The following ZNF609 variants were observed in gnomAD, a reference collection of about 807,000 sequenced individuals.
ZNF609 encodes zinc finger protein 609.
Under a neutral mutation model 109.5 loss-of-function variants are expected in ZNF609, and 11 were observed. The ratio of observed to expected loss-of-function variants is 0.10; its 90% confidence interval spans 0.06 to 0.17. The LOEUF is 0.17. Among genes scored for constraint, ZNF609 ranks in the 10% least tolerant of loss-of-function variants. The pLI is 1.00. For synonymous variants in ZNF609, 646 were observed against 662.0 expected (o/e 0.98, Z 0.37); for missense variants, 1,559 against 1,772.4 (o/e 0.88, Z 2.16).
chr15:64,675,206 A>C lies in ZNF609; in HGVS notation c.2352A>C (p.Arg784=), dbSNP rs749338837. 2 of 1,613,954 alleles carry C rather than the reference A, an allele frequency of 1.2e-6. No individual in the cohort carries two copies. The highest frequency in any genetic ancestry group is 2.7e-5 in the African/African-American group (2 of 74,938). ...LNGSSDPHQS[R]LASIKAEADK... Reference sequence around the variant, plus strand: ...GCTCATCAGACCCCCACCAAAGCCGACTGGCTAGCATCAAGGCTGAAGCCG... The same window carrying C: ...GCTCATCAGACCCCCACCAAAGCCGCCTGGCTAGCATCAAGGCTGAAGCCG... The change falls in exon 5 of 10, where the codon CGA becomes CGC. Residue 784 remains arginine (R), a synonymous_variant. Transcript: ENST00000326648.
chr15:64,539,648 C>T lies in ZNF609; in HGVS notation c.747+39482C>T, dbSNP rs578130932. On this transcript the variant is annotated intron_variant, in intron 2 of 9. Transcript: ENST00000326648. ...CCTTCGGAGTAGCTGGGATTACAGG[C>T]GCCTGCCACCATTCCCGGCTAATTT... Among the ~76,000 whole-genome samples, 518 of 152,266 alleles carry T rather than the reference C, an allele frequency of 3.4e-3. 4 individuals are homozygous for T. Among genetic ancestry groups the T allele is most frequent in the African/African-American group, 0.011 (472 of 41,548 alleles).
chr15:64,548,869 T>C (rs1347723897), intron 2 of ZNF609, among the ~76,000 whole-genome samples: 1 of 152,164 alleles, frequency 6.6e-6, no homozygotes, highest in Non-Finnish European at 1.5e-5. Context: ...TGAGATGAAA[T>C]ATTCAAAATT....
intron 1 of ZNF609, among the ~76,000 whole-genome samples, chr15:64,472,388 A>G (rs539965299): frequency 2.8e-4 from 43 of 152,280 alleles, no homozygotes; most frequent in Non-Finnish European, 5.1e-4. Context: ...GCTGGTACCT[A>G]TAGTTTCTTA....
intron 2 of ZNF609, among the ~76,000 whole-genome samples, chr15:64,531,706 A>T (rs1894066570): frequency 6.6e-6 from 1 of 151,990 alleles, no homozygotes; most frequent in Non-Finnish European, 1.5e-5. Context: ...CTTATTTCAG[A>T]CTTTAACACA....
At chr15:64,584,918 C>G (rs544460261) in intron 2 of ZNF609, among the ~76,000 whole-genome samples, 1 of 150,892 alleles carries the variant, frequency 6.6e-6, no homozygotes, top group Non-Finnish European at 1.5e-5. Flanking sequence ...TGAGCCACCA[C>G]GCCTGCCTGC....
intron 3 of ZNF609, among the ~76,000 whole-genome samples, chr15:64,626,052 A>G (rs1348723197): frequency 6.6e-6 from 1 of 151,634 alleles, no homozygotes; most frequent in Admixed American, 6.6e-5. Context: ...CTCAGAATAA[A>G]TACTGCTTTC....
intron 2 of ZNF609, among the ~76,000 whole-genome samples, chr15:64,521,499 C>A (rs891409027): frequency 2.0e-5 from 3 of 151,958 alleles, no homozygotes. Flanking sequence ...CCTGTCCTTC[C>A]CTTAGTGTTA....
intron 2 of ZNF609, among the ~76,000 whole-genome samples, chr15:64,550,417 G>A (rs1410600383): frequency 6.6e-6 from 1 of 152,070 alleles, no homozygotes; most frequent in African/African-American, 2.4e-5. Context: ...TTGCAGGCCA[G>A]GTATGGTGGC....
chr15:64,529,796 C>A (rs964361093), intron 2 of ZNF609: 4 of 459,570 alleles, frequency 8.7e-6, no homozygotes, highest in Non-Finnish European at 1.6e-5. Context: ...AATGGTGCAA[C>A]CTCGGCTCAC....
At position 64,556,277 on chromosome 15, in the gene ZNF609, T is replaced by C. The variant is rs569296774; in HGVS notation, c.747+56111T>C. On this transcript the variant is annotated intron_variant, in intron 2 of 9. Coordinates refer to ENST00000326648, the MANE Select transcript of ZNF609 (RefSeq NM_015042.2). Reference sequence around the variant, plus strand: ...TCCCAAAGTGCTGGGAGTACAGGCGTGAGCCACTACTCTTGGGTAATTTTA... The same window carrying C: ...TCCCAAAGTGCTGGGAGTACAGGCGCGAGCCACTACTCTTGGGTAATTTTA... Among the ~76,000 whole-genome samples the C allele has an allele frequency of 2.3e-4, 35 of 152,154 alleles. 2 individuals are homozygous for C. The East Asian group carries it at 5.6e-3, about 24-fold the overall frequency.
intron 3 of ZNF609, among the ~76,000 whole-genome samples, chr15:64,668,391 G>A (rs1896680036): frequency 6.6e-6 from 1 of 152,146 alleles, no homozygotes; most frequent in Non-Finnish European, 1.5e-5. Context: ...GAAACAACAT[G>A]GTGATGAGTT....
chr15:64,636,228 C>A (rs185030998), intron 3 of ZNF609, among the ~76,000 whole-genome samples: 46 of 152,268 alleles, frequency 3.0e-4, no homozygotes, highest in Admixed American at 8.5e-4. Context: ...TCACTAATTG[C>A]TCAAGAAATT....
At chr15:64,607,443 A>T (rs986998498) in intron 2 of ZNF609, among the ~76,000 whole-genome samples, 3 of 152,052 alleles carry the variant, frequency 2.0e-5, no homozygotes, top group African/African-American at 7.2e-5. Flanking sequence ...CAGACATTGA[A>T]AATAATATGT....
Position 64,674,869 on chromosome 15 carries a change from A to C in ZNF609, c.2015A>C (p.Gln672Pro), listed in dbSNP as rs759949566. The part of the protein sequence containing the change: ...AIPPQQIYTF[Q>P]TATFTAASPG... ...CCCCCACAGCAAATCTACACCTTCCAGACAGCCACCTTCACAGCAGCGAGC... is the reference window on the plus strand; with the variant it reads ...CCCCCACAGCAAATCTACACCTTCCCGACAGCCACCTTCACAGCAGCGAGC... The change falls in exon 5 of 10, where the codon CAG (glutamine) becomes CCG (proline). Residue 672 changes from glutamine to proline, a missense_variant. Physicochemically the swap from Gln to Pro is moderately conservative, Grantham distance 76. Transcript: ENST00000326648. The C allele has an allele frequency of 6.2e-7, 1 of 1,614,002 alleles. No homozygotes were observed. Among genetic ancestry groups the C allele is most frequent in the Non-Finnish European group, 8.5e-7 (1 of 1,180,034 alleles).
chr15:64,561,240 T>C (rs1894675193), intron 2 of ZNF609, among the ~76,000 whole-genome samples: 1 of 152,210 alleles, frequency 6.6e-6, no homozygotes, highest in Non-Finnish European at 1.5e-5. Context: ...CTTTGTTTTG[T>C]TTTATTTTTA....
Position 64,675,594 on chromosome 15 carries a change from A to G in ZNF609, c.2740A>G (p.Ser914Gly). The change falls in exon 5 of 10, where the codon AGC (serine) becomes GGC (glycine). Residue 914 changes from serine (S) to glycine (G), a missense_variant. Transcript: ENST00000326648. ...AQSSPGALNP[S>G]SQAGVESQAL... is the part of the protein sequence containing the mutation. ...GTCCAGCCCTGGGGCTCTGAACCCCAGCAGCCAGGCAGGAGTGGAGAGCCA... is the reference window on the plus strand; with the variant it reads ...GTCCAGCCCTGGGGCTCTGAACCCCGGCAGCCAGGCAGGAGTGGAGAGCCA... The G allele has an allele frequency of 6.2e-7, 1 of 1,614,192 alleles. No homozygotes were observed. The highest frequency in any genetic ancestry group is 8.5e-7 in the Non-Finnish European group (1 of 1,180,044).
chr15:64,632,215 G>C (rs1303913597), intron 3 of ZNF609, among the ~76,000 whole-genome samples: 1 of 151,776 alleles, frequency 6.6e-6, no homozygotes, highest in Non-Finnish European at 1.5e-5. Flanking sequence ...ACCATGCCTG[G>C]GTAGTTAAAA....
At chr15:64,614,146 C>T (rs551019694) in intron 2 of ZNF609, among the ~76,000 whole-genome samples, 56 of 152,010 alleles carry the variant, frequency 3.7e-4, no homozygotes, top group Middle Eastern at 3.4e-3. Flanking sequence ...CTCTCGAACT[C>T]CTGGCCTCAA....
chr15:64,519,260 A>G (rs1158399591), intron 2 of ZNF609, among the ~76,000 whole-genome samples: 1 of 152,098 alleles, frequency 6.6e-6, no homozygotes, highest in Non-Finnish European at 1.5e-5. Flanking sequence ...TGAGGACTGG[A>G]TGTGTGAGAG....
Sources: allele counts gnomAD v4.1 joint callset (sites outside exome capture counted in the v4.1 genomes callset), GRCh38; gene constraint gnomAD v4.1.1; transcripts MANE v1.5; gene names NCBI Gene and HGNC (gene_info 2026-07-23, HGNC 2026-07-21).